Variants in LRRIQ3 observed in about 807,000 individuals in gnomAD.
LRRIQ3 encodes leucine rich repeats and IQ motif containing 3.
Under a neutral mutation model 59.3 loss-of-function variants are expected in LRRIQ3, and 75 were observed. The ratio of observed to expected loss-of-function variants is 1.26; its 90% confidence interval spans 1.05 to 1.53. The LOEUF (loss-of-function observed/expected upper bound fraction) is 1.53. Among genes scored for constraint, LRRIQ3 ranks in the 40% most tolerant of loss-of-function variants. LRRIQ3 has a pLI of 0.00. For synonymous variants in LRRIQ3, 250 were observed against 231.3 expected (o/e 1.08, Z -0.73); for missense variants, 831 against 710.0 (o/e 1.17, Z -1.94).
intron 7 of LRRIQ3, among the ~76,000 whole-genome samples, chr1:74,036,583 C>T (rs1040389107): frequency 2.6e-5 from 4 of 152,008 alleles, no homozygotes; most frequent in East Asian, 3.9e-4. Flanking sequence ...ATTAATGTAC[C>T]CGAAATTTTA....
chr1:74,108,895 G>T, intron 5 of LRRIQ3: 1 of 406,274 alleles, frequency 2.5e-6, no homozygotes, highest in Non-Finnish European at 4.9e-6. Flanking sequence ...TATCTATGGT[G>T]CTACAGAGAA....
At chr1:74,094,432 G>C (rs547836687) in intron 5 of LRRIQ3, among the ~76,000 whole-genome samples, 1 of 152,022 alleles carries the variant, frequency 6.6e-6, no homozygotes, top group Non-Finnish European at 1.5e-5. Flanking sequence ...AGAAGCAAGA[G>C]GTTAGGGTGA....
chr1:74,061,110 A>G (rs1305387430), intron 6 of LRRIQ3, among the ~76,000 whole-genome samples: 1 of 152,146 alleles, frequency 6.6e-6, no homozygotes, highest in African/African-American at 2.4e-5. Flanking sequence ...TCAATGTACA[A>G]AAGTAATAAC....
chr1:74,137,839 A>AAGAGC (rs1647150045), intron 4 of LRRIQ3, among the ~76,000 whole-genome samples: 1 of 151,896 alleles, frequency 6.6e-6, no homozygotes. Flanking sequence ...AAACTAACAC[A>AAGAGC]AGAGCAGAAG....
chr1:74,152,328 A>G (rs1456489396), intron 4 of LRRIQ3, among the ~76,000 whole-genome samples: 1 of 152,124 alleles, frequency 6.6e-6, no homozygotes, highest in East Asian at 1.9e-4. Flanking sequence ...AAATCAGTAG[A>G]AAAAGAACTA....
chr1:74,145,272 T>C (rs1477581027), intron 4 of LRRIQ3, among the ~76,000 whole-genome samples: 3 of 152,140 alleles, frequency 2.0e-5, no homozygotes, highest in Non-Finnish European at 4.4e-5. Context: ...CAAAAGGGTA[T>C]TCATGACAGC....
intron 7 of LRRIQ3, among the ~76,000 whole-genome samples, chr1:74,032,569 C>T (rs534987611): frequency 8.1e-4 from 124 of 152,186 alleles, no homozygotes; most frequent in African/African-American, 2.9e-3. Flanking sequence ...ATGTAAAACC[C>T]TTCTTATACT....
At chr1:74,178,153 ATGTTCATC>A in intron 3 of LRRIQ3, among the ~76,000 whole-genome samples, 1 of 152,052 alleles carries the variant, frequency 6.6e-6, no homozygotes, top group African/African-American at 2.4e-5. Flanking sequence ...TTAGCATTTT[ATGTTCATC>A]TGTTCACCAT....
intron 6 of LRRIQ3, among the ~76,000 whole-genome samples, chr1:74,072,468 A>G (rs1215594241): frequency 2.0e-5 from 3 of 152,036 alleles, no homozygotes; most frequent in Non-Finnish European, 4.4e-5. Context: ...TCCTAAAATT[A>G]TAAATAAAAT....
rs935685975 is a variant in LRRIQ3 at position 74,136,139 on chromosome 1, G to A, written c.707+19594C>T. On this transcript the variant is annotated intron_variant, in intron 4 of 7. Transcript: ENST00000354431. ...ACAAATTGGAAAATGTAGATGAAATGGATGAATTCCTTAAAAGACACTAAT... is the reference window on the plus strand; with the variant it reads ...ACAAATTGGAAAATGTAGATGAAATAGATGAATTCCTTAAAAGACACTAAT... Among the ~76,000 whole-genome samples the A allele has an allele frequency of 4.6e-5, 7 of 151,780 alleles. No homozygotes were observed. In the East Asian group the frequency reaches 1.4e-3, roughly 29 times the overall value.
intron 6 of LRRIQ3, among the ~76,000 whole-genome samples, chr1:74,066,081 T>C (rs183603199): frequency 6.6e-6 from 1 of 151,092 alleles, no homozygotes; most frequent in African/African-American, 2.4e-5. Flanking sequence ...AGCTACTTGG[T>C]AGGCTGAGGC....
Position 74,026,610 on chromosome 1 carries a change from T to C in LRRIQ3, c.*203A>G. On this transcript the variant is annotated 3_prime_UTR_variant, in exon 8 of 8. Transcript: ENST00000354431. ...TTAGGCATCTGATCTAAGAAATTTT[T>C]CAGAGGTGCTAAGTCAACTTTAAGT... 1 of 428,702 alleles carries C rather than the reference T, an allele frequency of 2.3e-6. No homozygotes were observed. The highest frequency in any genetic ancestry group is 3.9e-5 in the South Asian group (1 of 25,506). 26.6% of individuals were successfully genotyped at this position (428,702 alleles called of 1,614,324 possible). A position where few individuals can be genotyped will look rare whatever the true frequency, so the allele number is the denominator to read the frequency against.
intron 5 of LRRIQ3, among the ~76,000 whole-genome samples, chr1:74,091,955 C>T (rs1570098526): frequency 6.6e-6 from 1 of 151,962 alleles, no homozygotes; most frequent in African/African-American, 2.4e-5. Context: ...CACATTTCTG[C>T]TTAAAATAAT....
chr1:74,090,521 G>A (rs778370204), intron 5 of LRRIQ3, among the ~76,000 whole-genome samples: 1 of 152,002 alleles, frequency 6.6e-6, no homozygotes, highest in African/African-American at 2.4e-5. Flanking sequence ...AATTTGGAGA[G>A]TAGAGACATC....
chr1:74,051,777 T>C (rs948204984), intron 6 of LRRIQ3, among the ~76,000 whole-genome samples: 2 of 152,208 alleles, frequency 1.3e-5, no homozygotes, highest in Non-Finnish European at 2.9e-5. Flanking sequence ...AGGGGTTTCA[T>C]TATTCTAAGG....
intron 7 of LRRIQ3, among the ~76,000 whole-genome samples, chr1:74,037,214 G>C (rs975490855): frequency 1.3e-5 from 2 of 152,074 alleles, no homozygotes; most frequent in African/African-American, 4.8e-5. Flanking sequence ...ACAAAGACTT[G>C]ATTATTTTCT....
intron 3 of LRRIQ3, 103 bp downstream of exon 3, chr1:74,182,435 G>A: frequency 1.7e-6 from 1 of 577,598 alleles, no homozygotes; most frequent in Non-Finnish European, 2.7e-6. Context: ...TATAAATGAT[G>A]CAAAAATATT....
At chr1:74,132,307 T>C (rs1647036917) in intron 4 of LRRIQ3, among the ~76,000 whole-genome samples, 1 of 152,166 alleles carries the variant, frequency 6.6e-6, no homozygotes. Flanking sequence ...CCCAAGGTAA[T>C]TTATAGATTC....
intron 3 of LRRIQ3, among the ~76,000 whole-genome samples, chr1:74,166,275 A>G (rs988227431): frequency 5.3e-5 from 8 of 150,870 alleles, no homozygotes; most frequent in Non-Finnish European, 1.0e-4. Context: ...ATGGTGGGTG[A>G]GTTTTTGTAG....
Sources: allele counts gnomAD v4.1 joint callset (sites outside exome capture counted in the v4.1 genomes callset), GRCh38; gene constraint gnomAD v4.1.1; transcripts MANE v1.5; gene names NCBI Gene and HGNC (gene_info 2026-07-23, HGNC 2026-07-21).